The following LARGE1 variants were observed in gnomAD, a reference collection of about 807,000 sequenced individuals.
The protein encoded by LARGE1 is xylosyl- and glucuronyltransferase LARGE1.
In LARGE1, 43 loss-of-function variants were observed where a neutral mutation model predicts 87.6. That is an observed-to-expected ratio of 0.49 (90% CI 0.38 to 0.63). The LOEUF (loss-of-function observed/expected upper bound fraction) is 0.63. Ranked by LOEUF, LARGE1 falls within the 30% of genes least tolerant of loss-of-function variation. LARGE1 has a pLI of 0.00. For missense variants in LARGE1, 802 were observed against 1,000.2 expected, an observed-to-expected ratio of 0.80 and a Z score of 2.67; for synonymous variants, 434 against 394.6, an observed-to-expected ratio of 1.10 and a Z score of -1.18.
downstream of LARGE1, among the ~76,000 whole-genome samples, chr22:33,272,135 G>A (rs1928297040): frequency 6.6e-6 from 1 of 152,196 alleles, no homozygotes; most frequent in Non-Finnish European, 1.5e-5. Flanking sequence ...AGGCTTTAGG[G>A]AATTAAAAAT....
chr22:33,575,897 G>C (rs192885529), intron 5 of LARGE1, among the ~76,000 whole-genome samples: 5 of 152,320 alleles, frequency 3.3e-5, no homozygotes, highest in Admixed American at 2.0e-4. Context: ...TGCGAAGCTT[G>C]AGGGGATTGG....
rs996648375 is a variant in LARGE1, at chr22:33,604,453, G to A, written c.597C>T (p.Tyr199=). 10 of 1,613,964 alleles carry A rather than the reference G, an allele frequency of 6.2e-6. No homozygotes were observed. The highest frequency in any genetic ancestry group is 8.5e-6 in the Non-Finnish European group (10 of 1,179,988). ...CCCATACCTTGAGCTCGTCTGCATTGTAGAAGTCCACACGCACAGCGGGCA... is the reference window on the plus strand; with the variant it reads ...CCCATACCTTGAGCTCGTCTGCATTATAGAAGTCCACACGCACAGCGGGCA... ...WMVPAVRVDF[Y]NADELKSEVS... Residue 199 remains tyrosine (Y), a synonymous_variant, in exon 5 of 15, where the codon TAC becomes TAT. Transcript: ENST00000397394.
chr22:33,793,462 A>C (rs1211922177), intron 1 of LARGE1, among the ~76,000 whole-genome samples: 2 of 152,190 alleles, frequency 1.3e-5, no homozygotes, highest in African/African-American at 4.8e-5. Context: ...TGTTTACTGA[A>C]ATGAGGCCTT....
At position 33,672,035 on chromosome 22, in the gene LARGE1, C is replaced by T. The variant is rs576285156; in HGVS notation, c.107-21367G>A. ...ACTTATCAATCTTAAGCTACACTTG[C>T]TCTATCAGCCAATTTATCAGGCAGT... On this transcript the variant is annotated intron_variant, in intron 2 of 14. Coordinates refer to ENST00000397394, the MANE Select transcript of LARGE1 (RefSeq NM_133642.5). Among the ~76,000 whole-genome samples the T allele has an allele frequency of 5.9e-5, 9 of 152,270 alleles. No individual in the cohort carries two copies. The East Asian group carries it at 1.7e-3, about 29-fold the overall frequency.
intron 1 of LARGE1, among the ~76,000 whole-genome samples, chr22:33,855,994 C>T (rs933717576): frequency 2.6e-5 from 4 of 152,132 alleles, no homozygotes; most frequent in African/African-American, 7.2e-5. Flanking sequence ...CATCCTGAGA[C>T]GCACCCCGCA....
chr22:33,467,547 C>T (rs945270663), intron 6 of LARGE1, among the ~76,000 whole-genome samples: 2 of 152,212 alleles, frequency 1.3e-5, no homozygotes, highest in African/African-American at 4.8e-5. Flanking sequence ...GTTGATGTTA[C>T]CGGAAAGTAA....
intron 11 of LARGE1, among the ~76,000 whole-genome samples, chr22:33,215,228 G>A (rs1925148117): frequency 1.3e-5 from 2 of 152,120 alleles, no homozygotes; most frequent in South Asian, 4.1e-4. Context: ...ATGCCACCGT[G>A]CCCGGCCTTA....
chr22:33,383,920 C>T (rs1031918999), intron 8 of LARGE1, among the ~76,000 whole-genome samples: 2 of 152,220 alleles, frequency 1.3e-5, no homozygotes, highest in African/African-American at 2.4e-5. Flanking sequence ...CTGCATCCTT[C>T]GTCTATCTCT....
intron 7 of LARGE1, among the ~76,000 whole-genome samples, chr22:33,425,862 G>A (rs902500390): frequency 6.6e-6 from 1 of 152,050 alleles, no homozygotes; most frequent in Non-Finnish European, 1.5e-5. Flanking sequence ...TCAGCCTCCT[G>A]AGTAGCTGGG....
intron 11 of LARGE1, among the ~76,000 whole-genome samples, chr22:33,180,888 A>G (rs1923124489): frequency 6.6e-6 from 1 of 152,126 alleles, no homozygotes; most frequent in Non-Finnish European, 1.5e-5. Flanking sequence ...GAGAGACAAA[A>G]AGTAGATTAG....
chr22:33,420,970 C>T (rs2066671443), intron 7 of LARGE1, among the ~76,000 whole-genome samples: 1 of 152,060 alleles, frequency 6.6e-6, no homozygotes, highest in Non-Finnish European at 1.5e-5. Context: ...GGTGAATCAC[C>T]TGAGGTCAGG....
chr22:33,416,394 C>G (rs1229170666), intron 7 of LARGE1, among the ~76,000 whole-genome samples: 1 of 152,160 alleles, frequency 6.6e-6, no homozygotes, highest in Non-Finnish European at 1.5e-5. Context: ...GTTCTACCCA[C>G]TTTGAAGCTT....
chr22:33,563,640 C>T (rs1417789785), intron 6 of LARGE1, among the ~76,000 whole-genome samples: 2 of 152,170 alleles, frequency 1.3e-5, no homozygotes, highest in Non-Finnish European at 2.9e-5. Flanking sequence ...CTGCATCCCT[C>T]TAAGCTTCCG....
intron 2 of LARGE1, among the ~76,000 whole-genome samples, chr22:33,653,733 T>C (rs2080884589): frequency 6.6e-6 from 1 of 152,078 alleles, no homozygotes; most frequent in Non-Finnish European, 1.5e-5. Flanking sequence ...TAAGATGAGT[T>C]GATGATGTAA....
At chr22:33,917,915 G>A (rs1436364971) in intron 1 of LARGE1, among the ~76,000 whole-genome samples, 1 of 152,058 alleles carries the variant, frequency 6.6e-6, no homozygotes, top group Non-Finnish European at 1.5e-5. Context: ...GAACCCTCAA[G>A]ATAAACCACA....
At chr22:33,540,558 A>G (rs1031986522) in intron 6 of LARGE1, among the ~76,000 whole-genome samples, 1 of 152,184 alleles carries the variant, frequency 6.6e-6, no homozygotes, top group Non-Finnish European at 1.5e-5. Flanking sequence ...CACTGCCCCC[A>G]TGGCAAAACA....
intron 1 of LARGE1, among the ~76,000 whole-genome samples, chr22:33,853,165 T>G (rs2063660831): frequency 6.6e-6 from 1 of 152,012 alleles, no homozygotes; most frequent in South Asian, 2.1e-4. Flanking sequence ...TAGAGAGGTC[T>G]AGGAACTTGT....
chr22:33,419,592 A>G (rs2066620502), intron 7 of LARGE1, among the ~76,000 whole-genome samples: 1 of 152,156 alleles, frequency 6.6e-6, no homozygotes, highest in African/African-American at 2.4e-5. Context: ...GGTCCTTTCT[A>G]GAAGAATCCA....
At chr22:33,873,997 C>T (rs1411406151) in intron 1 of LARGE1, among the ~76,000 whole-genome samples, 2 of 151,810 alleles carry the variant, frequency 1.3e-5, no homozygotes, top group African/African-American at 2.4e-5. Flanking sequence ...CCCCCTCCTC[C>T]GTCTCTCTTC....
Sources: allele counts gnomAD v4.1 joint callset (sites outside exome capture counted in the v4.1 genomes callset), GRCh38; gene constraint gnomAD v4.1.1; transcripts MANE v1.5; gene names NCBI Gene and HGNC (gene_info 2026-07-23, HGNC 2026-07-21).